MED13: variants seen among roughly 807,000 people sequenced by gnomAD.
The protein encoded by MED13 is mediator complex subunit 13, also known as mediator of RNA polymerase II transcription subunit 13.
In MED13, 23 loss-of-function variants were observed where a neutral mutation model predicts 225.2. The ratio of observed to expected loss-of-function variants is 0.10; its 90% CI spans 0.07 to 0.14. MED13 has a LOEUF of 0.14. MED13 is among the 10% of genes least tolerant of loss of function. MED13 has a pLI of 1.00. For missense variants in MED13, 2,197 were observed against 2,594.5 expected (o/e 0.85, Z 3.33); for synonymous variants, 942 against 889.2 (o/e 1.06, Z -1.06).
chr17:61,985,600 G>C (rs1240277686), intron 12 of MED13, among the ~76,000 whole-genome samples: 1 of 152,202 alleles, frequency 6.6e-6, no homozygotes. Flanking sequence ...GAGCCTGGGA[G>C]GCAGAGGTTG....
intron 28 of MED13, among the ~76,000 whole-genome samples, chr17:61,949,179 T>C (rs918335844): frequency 1.3e-5 from 2 of 152,182 alleles, no homozygotes; most frequent in Admixed American, 1.3e-4. Context: ...AGGGCTTTTA[T>C]ATCTCATTTT....
At chr17:62,014,331 T>TA (rs1567978300) in intron 8 of MED13, among the ~76,000 whole-genome samples, 11 of 149,400 alleles carry the variant, frequency 7.4e-5, no homozygotes, top group African/African-American at 2.5e-4. Context: ...TATATATATA[T>TA]TTTGAGACAC....
At chr17:62,032,776 ACATGTCC>A (rs1333581178) in intron 5 of MED13, among the ~76,000 whole-genome samples, 1 of 152,196 alleles carries the variant, frequency 6.6e-6, no homozygotes, top group Non-Finnish European at 1.5e-5. Flanking sequence ...TATGAGATTA[ACATGTCC>A]CAGATGTGGG....
chr17:62,000,655 A>G (rs1331044894), intron 9 of MED13, among the ~76,000 whole-genome samples: 1 of 152,212 alleles, frequency 6.6e-6, no homozygotes, highest in Non-Finnish European at 1.5e-5. Flanking sequence ...ATATCAGCCT[A>G]TACAGATTTC....
rs749407543 is a variant in MED13 at position 61,965,285 on chromosome 17, A to T, written c.4565T>A (p.Ile1522Lys). Residue 1522 changes from isoleucine to lysine, a missense_variant, in exon 20 of 30, where the codon ATA becomes AAA. Ile to Lys is a moderately radical substitution (Grantham distance 102). Around this residue, in one of 12 missense-constraint regions of MED13, gnomAD observed 457 missense variants for 442.2 expected, o/e 1.03. Transcript: ENST00000397786. ...STMTVTSGVAISTSVATANST... is the reference protein window; with the variant it reads ...STMTVTSGVAKSTSVATANST... ...ATTAGCTGTGGCAACTGAAGTAGAT[A>T]TGGCAACACCTGAAGTCACTGTCAT... is the stretch of plus-strand genomic sequence containing the variant. 1.4e-5 allele frequency: 22 copies of T among 1,614,104 alleles called. No individual in the cohort carries two copies. The highest frequency in any genetic ancestry group is 1.6e-4 in the Middle Eastern group (1 of 6,084).
intron 4 of MED13, among the ~76,000 whole-genome samples, chr17:62,034,451 C>T (rs1443816194): frequency 6.8e-6 from 1 of 147,106 alleles, no homozygotes; most frequent in Non-Finnish European, 1.5e-5. Flanking sequence ...GGCACCACTG[C>T]ACTCTAGCCT....
At chr17:61,964,902 G>T in intron 20 of MED13, 104 bp downstream of exon 20, 1 of 1,117,146 alleles carries the variant, frequency 9.0e-7, no homozygotes, top group Non-Finnish European at 1.3e-6. Flanking sequence ...CACCACTGCA[G>T]TACAGCCTGC....
intron 4 of MED13, 35 bp from the exon 5 acceptor site, chr17:62,034,019 A>G (rs1291697522): frequency 1.3e-6 from 2 of 1,570,910 alleles, no homozygotes; most frequent in South Asian, 2.3e-5. Flanking sequence ...ATAAGTAACA[A>G]AAGACTGTTT....
rs61326861 is a variant in MED13 at position 61,955,855 on chromosome 17, T to TAAAAA, written c.5624-22_5624-18dup. The TAAAAA allele has an allele frequency of 1.0e-4, 83 of 815,128 alleles. No individual in the cohort carries two copies. Among genetic ancestry groups the TAAAAA allele is most frequent in the African/African-American group, 3.9e-4 (9 of 23,154 alleles). 50.5% of individuals were successfully genotyped at this position (815,128 alleles called of 1,614,324 possible). A position where few individuals can be genotyped will look rare whatever the true frequency, so the allele number is the denominator to read the frequency against. ...AGCTCCAATCTGTGGGTATCAACAG[T>TAAAAA]AAAAAAAAAAAAAAAAAAAAAAAAA... On this transcript the variant is annotated splice_polypyrimidine_tract_variant and intron_variant, in intron 24 of 29. Transcript: ENST00000397786.
chr17:61,953,448 T>C (rs896356715), intron 26 of MED13, among the ~76,000 whole-genome samples: 1 of 152,134 alleles, frequency 6.6e-6, no homozygotes, highest in Non-Finnish European at 1.5e-5. Flanking sequence ...GTGGGTCCAA[T>C]GTAATCACAG....
chr17:62,043,287 A>G (rs1416327931), intron 3 of MED13, among the ~76,000 whole-genome samples: 1 of 152,078 alleles, frequency 6.6e-6, no homozygotes, highest in Non-Finnish European at 1.5e-5. Context: ...GAAAGCATGA[A>G]AATGTAGAAA....
chr17:61,998,503 C>T (rs1284835307), intron 9 of MED13, among the ~76,000 whole-genome samples: 4 of 151,050 alleles, frequency 2.6e-5, no homozygotes, highest in Admixed American at 6.6e-5. Flanking sequence ...TGAGGTATGA[C>T]AGTTTTTAAG....
chr17:62,054,449 A>G (rs181231682), intron 2 of MED13, among the ~76,000 whole-genome samples: 6 of 152,340 alleles, frequency 3.9e-5, no homozygotes, highest in East Asian at 1.9e-4. Flanking sequence ...TTCACATTCT[A>G]TTATATCAAA....
Position 62,044,262 on chromosome 17 carries a change from T to C in MED13, c.470+8275A>G, listed in dbSNP as rs561844817. 2.0e-5 allele frequency among the ~76,000 whole-genome samples: 3 copies of C among 152,282 alleles called. No individual in the cohort carries two copies. The South Asian group carries it at 6.2e-4, about 32-fold the overall frequency. On this transcript the variant is annotated intron_variant, in intron 3 of 29. Transcript: ENST00000397786. Reference sequence around the variant, plus strand: ...AAAAAAAATCGATGAATTTCTTTATTGAAGCACCAAAAGTACTGTTTTAAT... The same window carrying C: ...AAAAAAAATCGATGAATTTCTTTATCGAAGCACCAAAAGTACTGTTTTAAT...
chr17:61,959,159 A>G (rs2079975455), intron 23 of MED13, among the ~76,000 whole-genome samples: 1 of 152,048 alleles, frequency 6.6e-6, no homozygotes, highest in African/African-American at 2.4e-5. Flanking sequence ...ATATGCCACC[A>G]TGCCTGGCTA....
At chr17:62,013,414 A>G (rs1264202357) in intron 8 of MED13, among the ~76,000 whole-genome samples, 1 of 152,168 alleles carries the variant, frequency 6.6e-6, no homozygotes, top group African/African-American at 2.4e-5. Flanking sequence ...TCACATTAAC[A>G]GAATAAAAGA....
In MED13 at chr17:61,966,580, A is replaced by G. The variant is rs781228791; in HGVS notation, c.4263T>C (p.Thr1421=). The stretch of plus-strand genomic sequence containing the variant: ...ACTTTTCTGATAGTTTCTTTGATGC[A>G]GTAGATCCAACTCTCATGATCCCAT... ...LTDGIMRVGS[T]ASKKLSEKLV... is the part of the protein sequence containing the mutation. The change falls in exon 19 of 30, where the codon ACT becomes ACC. Residue 1421 remains threonine, a synonymous_variant. Transcript: ENST00000397786. The G allele has an allele frequency of 1.9e-6, 3 of 1,613,866 alleles. No homozygotes were observed. The highest frequency in any genetic ancestry group is 2.2e-5 in the East Asian group (1 of 44,874).
chr17:61,951,467 ACATG>A (rs1356634317), intron 27 of MED13, among the ~76,000 whole-genome samples: 1 of 152,222 alleles, frequency 6.6e-6, no homozygotes, highest in Non-Finnish European at 1.5e-5. Flanking sequence ...CTACCAAGTC[ACATG>A]CATATCCTTT....
intron 7 of MED13, 47 bp downstream of exon 7, chr17:62,029,800 ATAAG>A (rs1440314528): frequency 3.3e-6 from 5 of 1,522,412 alleles, no homozygotes; most frequent in Admixed American, 2.0e-5. Context: ...TCTTCTAATT[ATAAG>A]TAATTATCAA....
Sources: gnomAD v4.1 joint callset for allele counts (sites outside exome capture counted in the v4.1 genomes callset) on GRCh38, gnomAD v4.1.1 for gene constraint, gnomAD v4.1.1 regional missense constraint, MANE v1.5 for transcripts, NCBI Gene and HGNC (gene_info 2026-07-23, HGNC 2026-07-21) for gene names.